The following SUCO variants were observed in gnomAD, a reference collection of about 807,000 sequenced individuals.
SUCO encodes the protein SUN domain containing ossification factor.
Under a neutral mutation model 148.1 loss-of-function variants are expected in SUCO, and 57 were observed. The ratio of observed to expected loss-of-function variants is 0.38; its 90% confidence interval spans 0.31 to 0.48. SUCO has a LOEUF of 0.48. SUCO is among the 20% of genes least tolerant of loss of function. The pLI is 0.96. For synonymous variants in SUCO, 470 were observed against 502.7 expected (o/e 0.93, Z 0.87); for missense variants, 1,331 against 1,468.2 (o/e 0.91, Z 1.53).
chr1:172,588,647 T>G, intron 17 of SUCO, 113 bp from the exon 18 acceptor site: 1 of 1,261,896 alleles, frequency 7.9e-7, no homozygotes, highest in South Asian at 3.7e-5. Context: ...AACAAATTTC[T>G]TCTATATTTC....
rs781211645 is a variant in SUCO at position 172,589,150 on chromosome 1, A to G, written c.2049A>G (p.Gly683=). 1.2e-6 allele frequency: 2 copies of G among 1,613,788 alleles called. No individual in the cohort carries two copies. Among genetic ancestry groups the G allele is most frequent in the South Asian group, 2.2e-5 (2 of 91,058 alleles). ...VDVSVLQPLS[G]ELENTNIERE... ...TTTCAGTATTGCAACCTCTGAGTGGAGAATTGGAAAATACGAATATAGAAA... is the reference window on the plus strand; with the variant it reads ...TTTCAGTATTGCAACCTCTGAGTGGGGAATTGGAAAATACGAATATAGAAA... Residue 683 remains glycine (G), a synonymous_variant, in exon 18 of 24, where the codon GGA becomes GGG. Coordinates refer to ENST00000263688, the MANE Select transcript of SUCO (RefSeq NM_014283.5).
rs1393995313 is a variant in SUCO at position 172,588,398 on chromosome 1, T to G, written c.1659-362T>G. 8.1e-6 allele frequency: 8 copies of G among 985,070 alleles called. No individual in the cohort carries two copies. In the African/African-American group the frequency reaches 1.4e-4, roughly 17 times the overall value. 61.0% of individuals were successfully genotyped at this position (985,070 alleles called of 1,614,324 possible). On this transcript the variant is annotated intron_variant, in intron 17 of 23. Coordinates refer to ENST00000263688, the MANE Select transcript of SUCO (RefSeq NM_014283.5). ...TTAATTTCTGATGTGTAAGGGATAG[T>G]GAAGCTTGTAAAGATTCAGTGAATA... is the stretch of plus-strand genomic sequence containing the variant.
intron 11 of SUCO, chr1:172,577,273 A>C (rs141042432): frequency 6.0e-6 from 1 of 167,044 alleles, no homozygotes; most frequent in African/African-American, 2.4e-5. Context: ...AATAACAGCA[A>C]TGGCTTGTAG....
At position 172,564,357 on chromosome 1, in the gene SUCO, C is replaced by T. The variant is rs12072225; in HGVS notation, c.733-4662C>T. Among the ~76,000 whole-genome samples the T allele has an allele frequency of 6.3e-3, 963 of 152,360 alleles. 9 individuals carry two copies. The highest frequency in any genetic ancestry group is 0.022 in the African/African-American group (916 of 41,578). The stretch of plus-strand genomic sequence containing the variant: ...GGCACTCAACACCAGCTCCTGAAAG[C>T]AGTTATGGGGGCTCTACCCTGCAGA... On this transcript the variant is annotated intron_variant, in intron 6 of 23. Coordinates refer to ENST00000263688, the MANE Select transcript of SUCO (RefSeq NM_014283.5).
intron 6 of SUCO, among the ~76,000 whole-genome samples, chr1:172,559,257 CTT>C (rs1457430520): frequency 6.6e-6 from 1 of 152,146 alleles, no homozygotes; most frequent in Non-Finnish European, 1.5e-5. Context: ...TATTTGTTCT[CTT>C]ATTTGTTGCT....
At position 172,609,848 on chromosome 1, in the gene SUCO, T is replaced by C; in HGVS notation, c.3354T>C (p.Ile1118=). 3.1e-6 allele frequency: 5 copies of C among 1,597,988 alleles called. No homozygotes were observed. Among genetic ancestry groups the C allele is most frequent in the Non-Finnish European group, 4.3e-6 (5 of 1,175,470 alleles). Residue 1118 remains isoleucine (I), a synonymous_variant, in exon 24 of 24, where the codon ATT becomes ATC. Transcript: ENST00000263688. Reference sequence around the variant, plus strand: ...GCTGCAAGTACAAAATTGAAAAAATTGAGACCATAAAGCCTGAAGAACCAT... The same window carrying C: ...GCTGCAAGTACAAAATTGAAAAAATCGAGACCATAAAGCCTGAAGAACCAT... ...KKRCKYKIEK[I]ETIKPEEPLH...
chr1:172,578,047 A>G (rs1477613120), intron 13 of SUCO, among the ~76,000 whole-genome samples: 2 of 151,812 alleles, frequency 1.3e-5, no homozygotes, highest in Non-Finnish European at 3.0e-5. Flanking sequence ...CTATTTTGCT[A>G]TGATGATAAT....
chr1:172,589,595 A>G lies in SUCO; in HGVS notation c.2494A>G (p.Thr832Ala), dbSNP rs746655072. Reference protein sequence around the residue: ...ETIVPPINTATVPDNEDGEAK... With the variant: ...ETIVPPINTAAVPDNEDGEAK... ...AATAGTGCCACCAATAAATACAGCC[A>G]CTGTACCCGACAATGAAGATGGGGA... Residue 832 changes from threonine to alanine, a missense_variant, in exon 18 of 24, where the codon ACT becomes GCT. Coordinates refer to ENST00000263688, the MANE Select transcript of SUCO (RefSeq NM_014283.5). The G allele has an allele frequency of 3.1e-6, 5 of 1,613,718 alleles. No individual in the cohort carries two copies. In the Admixed American group the frequency reaches 5.0e-5, roughly 16 times the overall value.
chr1:172,560,188 C>T (rs1571211029), intron 6 of SUCO, among the ~76,000 whole-genome samples: 1 of 152,254 alleles, frequency 6.6e-6, no homozygotes, highest in Non-Finnish European at 1.5e-5. Context: ...AGAGGTTAAA[C>T]GAGCAAGGAC....
intron 1 of SUCO, among the ~76,000 whole-genome samples, chr1:172,534,084 G>A (rs1353849905): frequency 6.6e-6 from 1 of 152,162 alleles, no homozygotes; most frequent in African/African-American, 2.4e-5. Context: ...AATTGGTTTG[G>A]TGGAGAGGGT....
chr1:172,584,274 G>A (rs2149256825), intron 15 of SUCO: 1 of 344,980 alleles, frequency 2.9e-6, no homozygotes, highest in East Asian at 1.7e-4. Context: ...CATAATGTAG[G>A]AAAAGCATTT....
At chr1:172,575,317 A>C (rs1191664876) in intron 10 of SUCO, among the ~76,000 whole-genome samples, 1 of 151,980 alleles carries the variant, frequency 6.6e-6, no homozygotes, top group African/African-American at 2.4e-5. Context: ...GTGATTTTTC[A>C]AGGCATTCTT....
At position 172,588,955 on chromosome 1, in the gene SUCO, T is replaced by A. The variant is rs1480429818; in HGVS notation, c.1854T>A (p.Ser618Arg). 9 of 1,610,696 alleles carry A rather than the reference T, an allele frequency of 5.6e-6. No individual in the cohort carries two copies. The highest frequency in any genetic ancestry group is 7.6e-6 in the Non-Finnish European group (9 of 1,178,528). The change falls in exon 18 of 24, where the codon AGT becomes AGA. Residue 618 changes from serine to arginine, a missense_variant. Transcript: ENST00000263688. ...WFESETQIFC[S>R]ELTTICCISS... ...AGTCAGAGACACAAATATTTTGCAG[T>A]GAACTGACCACAATTTGTTGTATTT... is the stretch of plus-strand genomic sequence containing the variant.
chr1:172,552,964 G>A (rs1653414928), intron 2 of SUCO, among the ~76,000 whole-genome samples: 1 of 152,054 alleles, frequency 6.6e-6, no homozygotes, highest in African/African-American at 2.4e-5. Flanking sequence ...CATTTGTCAG[G>A]TATTCATTGG....
rs575832895 is a variant in SUCO, at chr1:172,580,837, C to G, written c.1498+1570C>G. Among the ~76,000 whole-genome samples, 4 of 152,290 alleles carry G rather than the reference C, an allele frequency of 2.6e-5. No individual in the cohort carries two copies. In the Middle Eastern group the frequency reaches 0.014, roughly 518 times the overall value. ...TAACCATAGGCCAGGCACAGCGGCT[C>G]ATGCTTGTAATCCCAGTACTTTGGG... On this transcript the variant is annotated intron_variant, in intron 15 of 23. Transcript: ENST00000263688.
intron 1 of SUCO, among the ~76,000 whole-genome samples, chr1:172,533,790 C>T (rs1057514062): frequency 6.6e-6 from 1 of 152,114 alleles, no homozygotes; most frequent in African/African-American, 2.4e-5. Context: ...CCCTTGGAGA[C>T]GGTGCAGGGT....
Position 172,570,787 on chromosome 1 carries a change from A to G in SUCO, c.1049+57A>G, listed in dbSNP as rs964350597. ...CTACATATATATGCATATTATGTTA[A>G]GCTTTTACATTAGGGTTACATTGAC... On this transcript the variant is annotated intron_variant, in intron 9 of 23. Coordinates refer to ENST00000263688, the MANE Select transcript of SUCO (RefSeq NM_014283.5). 2.9e-6 allele frequency: 3 copies of G among 1,048,490 alleles called. No homozygotes were observed. In the African/African-American group the frequency reaches 4.8e-5, roughly 17 times the overall value. The allele number at this position is 1,048,490 out of a possible 1,614,324, so 64.9% of individuals were successfully genotyped here.
chr1:172,533,055 G>C (rs1651710401), upstream of SUCO: 2 of 1,430,082 alleles, frequency 1.4e-6, no homozygotes, highest in Non-Finnish European at 1.8e-6. Context: ...GTGAGGTGTC[G>C]CGGCCCCGCC....
At chr1:172,555,267 G>A in intron 3 of SUCO, 1 of 320,306 alleles carries the variant, frequency 3.1e-6, no homozygotes, top group Non-Finnish European at 4.5e-6. Context: ...TGGAGGCATA[G>A]GGGAAAGGGA....
Sources: allele counts gnomAD v4.1 joint callset (sites outside exome capture counted in the v4.1 genomes callset), GRCh38; gene constraint gnomAD v4.1.1; transcripts MANE v1.5; gene names NCBI Gene and HGNC (gene_info 2026-07-23, HGNC 2026-07-21).